MED15: variants seen among roughly 807,000 people sequenced by gnomAD.
MED15 encodes the protein mediator of RNA polymerase II transcription subunit 15.
MED15 carries 41 observed loss-of-function variants against 118.7 expected under a neutral mutation model. The observed-to-expected ratio is 0.35, with a 90% confidence interval of 0.27 to 0.45. MED15 has a LOEUF of 0.45. Ranked by LOEUF, MED15 falls within the 20% of genes least tolerant of loss-of-function variation. MED15 has a pLI of 1.00. For missense variants in MED15, 740 were observed against 1,025.5 expected (o/e 0.72, Z 3.80); for synonymous variants, 436 against 413.9 (o/e 1.05, Z -0.65).
At chr22:20,586,039 C>G (rs1322065768) in intron 17 of MED15, among the ~76,000 whole-genome samples, 1 of 152,228 alleles carries the variant, frequency 6.6e-6, no homozygotes, top group Non-Finnish European at 1.5e-5. Flanking sequence ...CCCACTGTGT[C>G]CCTTCGCCCC....
At position 20,587,023 on chromosome 22, in the gene MED15, G is replaced by A. The variant is rs1002947702; in HGVS notation, c.*319G>A. ...CACGGTCCAGGTCCATCTCAGCAGC[G>A]TGAGGGTGCACTCAGGGTGTTGTTA... On this transcript the variant is annotated 3_prime_UTR_variant, in exon 18 of 18. Transcript: ENST00000263205. The A allele has an allele frequency of 4.5e-5, 19 of 424,242 alleles. No individual in the cohort carries two copies. Among genetic ancestry groups the A allele is most frequent in the African/African-American group, 9.8e-5 (5 of 50,966 alleles). 26.3% of individuals were successfully genotyped at this position (424,242 alleles called of 1,614,324 possible).
intron 1 of MED15, among the ~76,000 whole-genome samples, chr22:20,526,233 A>G (rs1186957451): frequency 3.9e-5 from 6 of 152,192 alleles, no homozygotes; most frequent in Non-Finnish European, 8.8e-5. Flanking sequence ...AATATATCAC[A>G]TAAACTGTAA....
At chr22:20,583,519 C>A in intron 13 of MED15, 126 bp downstream of exon 13, 2 of 1,118,574 alleles carry the variant, frequency 1.8e-6, no homozygotes, top group Non-Finnish European at 2.6e-6. Flanking sequence ...TGGCCAGAGG[C>A]CTCCAAGGCT....
chr22:20,574,339 A>T (rs955726274), intron 8 of MED15: 6 of 152,346 alleles, frequency 3.9e-5, no homozygotes, highest in Non-Finnish European at 8.8e-5. Context: ...CGGGCCCACA[A>T]CAGTGCTCAG....
At position 20,585,811 on chromosome 22, in the gene MED15, C is replaced by T. The variant is rs778528739; in HGVS notation, c.2215C>T (p.Arg739Trp). ...YPAQSPLWIDRQWQYDANPFL... is the reference protein window; with the variant it reads ...YPAQSPLWIDWQWQYDANPFL... ...TGCCCAAAGCCCGCTGTGGATAGAC[C>T]GGCAGTGGCAGTACGGTAGGTAGAC... The change falls in exon 17 of 18, where the codon CGG becomes TGG. Residue 739 changes from arginine to tryptophan, a missense_variant. Physicochemically the swap from Arg to Trp is moderately radical, Grantham distance 101. Around this residue, in one of 7 missense-constraint regions of MED15, gnomAD observed 179 missense variants for 259.0 expected, o/e 0.69. Coordinates refer to ENST00000263205, the MANE Select transcript of MED15 (RefSeq NM_001003891.3). The T allele has an allele frequency of 3.1e-6, 5 of 1,612,966 alleles. No homozygotes were observed. Among genetic ancestry groups the T allele is most frequent in the Admixed American group, 1.7e-5 (1 of 60,010 alleles).
chr22:20,563,397 A>G (rs77047145), intron 5 of MED15, among the ~76,000 whole-genome samples: 4,279 of 152,286 alleles, frequency 0.028, 213 homozygotes, highest in African/African-American at 0.097. Context: ...GCTGAATGTA[A>G]AAAGCCGATC....
In MED15 at chr22:20,525,927, C is replaced by CT. The variant is rs113769626; in HGVS notation, c.69-11179dup. Among the ~76,000 whole-genome samples the CT allele has an allele frequency of 6.4e-4, 93 of 144,816 alleles. 1 individual carries two copies. The East Asian group carries it at 6.6e-3, about 10-fold the overall frequency. On this transcript the variant is annotated intron_variant, in intron 1 of 17. Transcript: ENST00000263205. The stretch of plus-strand genomic sequence containing the variant: ...GTCATTTAATTTTAATTTTAATTTT[C>CT]TTTTTTTTTTTGAGACAGGGTCTTA...
Position 20,554,950 on chromosome 22 carries a change from C to A in MED15, c.253C>A (p.Leu85Ile), listed in dbSNP as rs892687191. The stretch of plus-strand genomic sequence containing the variant: ...TGTTCCCACAGATCCTATGAATGCA[C>A]TCCAGAGCCTGACTGGCGGACCTGC... ...QASVSDPMNA[L>I]QSLTGGPAAG... Residue 85 changes from leucine to isoleucine, a missense_variant, in exon 5 of 18, where the codon CTC becomes ATC. By Grantham distance (5) the Leu-to-Ile change is conservative. Coordinates refer to ENST00000263205, the MANE Select transcript of MED15 (RefSeq NM_001003891.3). The A allele has an allele frequency of 1.2e-6, 2 of 1,606,358 alleles. No individual in the cohort carries two copies. Among genetic ancestry groups the A allele is most frequent in the African/African-American group, 2.7e-5 (2 of 74,870 alleles).
intron 1 of MED15, among the ~76,000 whole-genome samples, chr22:20,531,155 A>G (rs1328111713): frequency 1.3e-5 from 2 of 150,906 alleles, no homozygotes; most frequent in East Asian, 2.0e-4. Context: ...GCAGGCTTTA[A>G]GTTTGATGCC....
At chr22:20,564,396 G>A in intron 5 of MED15, 54 bp from the exon 6 acceptor site, 1 of 1,603,702 alleles carries the variant, frequency 6.2e-7, no homozygotes, top group Non-Finnish European at 8.5e-7. Flanking sequence ...CAGCCCTGCA[G>A]CGTTTCTGGG....
At chr22:20,524,704 C>T in intron 1 of MED15, among the ~76,000 whole-genome samples, 1 of 152,196 alleles carries the variant, frequency 6.6e-6, no homozygotes, top group East Asian at 1.9e-4. Context: ...TGACTGCAAC[C>T]TCCGCCTCCC....
chr22:20,551,894 G>T, intron 3 of MED15: 1 of 249,206 alleles, frequency 4.0e-6, no homozygotes, highest in South Asian at 4.7e-5. Context: ...TTTCCCTCCA[G>T]ACTAGAAGCT....
chr22:20,555,084 G>A lies in MED15; in HGVS notation c.387G>A (p.Pro129=), dbSNP rs141019125. The A allele has an allele frequency of 4.2e-4, 681 of 1,611,984 alleles. 6 individuals are homozygous for A. The African/African-American group carries it at 7.8e-3, about 18-fold the overall frequency. The part of the protein sequence containing the change: ...MGQPMSLSGQ[P]PPGTSGMAPH... ...AGCCAATGTCTCTCTCAGGGCAGCC[G>A]CCTCCTGGGACCTCGGGGATGGCCC... Residue 129 remains proline, a synonymous_variant, in exon 5 of 18, where the codon CCG becomes CCA. Transcript: ENST00000263205.
In MED15 at chr22:20,586,592, T is replaced by G; in HGVS notation, c.2255T>G (p.Val752Gly). The stretch of plus-strand genomic sequence containing the variant: ...GACGCCAACCCCTTCCTCCAGTCGG[T>G]GCACCGCTGCATGACCTCCAGGCTG... ...QYDANPFLQS[V>G]HRCMTSRLLQ... Residue 752 changes from valine (V) to glycine (G), a missense_variant, in exon 18 of 18, where the codon GTG (valine) becomes GGG (glycine). This residue lies in a region of MED15 where 179 missense variants were observed against 259.0 expected (regional missense o/e 0.69). Transcript: ENST00000263205. The G allele has an allele frequency of 6.2e-7, 1 of 1,612,948 alleles. No homozygotes were observed. The highest frequency in any genetic ancestry group is 8.5e-7 in the Non-Finnish European group (1 of 1,179,934).
rs2057152017 is a variant in MED15, at chr22:20,586,905, G to T, written c.*201G>T. Reference sequence around the variant, plus strand: ...AGGCGCAGTGGAGCGGGTTGCTTGGGGGGCGTTGGCCGACTTCTTAGAGAA... The same window carrying T: ...AGGCGCAGTGGAGCGGGTTGCTTGGTGGGCGTTGGCCGACTTCTTAGAGAA... On this transcript the variant is annotated 3_prime_UTR_variant, in exon 18 of 18. Coordinates refer to ENST00000263205, the MANE Select transcript of MED15 (RefSeq NM_001003891.3). The T allele has an allele frequency of 1.2e-6, 1 of 822,476 alleles. No individual in the cohort carries two copies. Among genetic ancestry groups the T allele is most frequent in the South Asian group, 2.1e-5 (1 of 48,616 alleles). The allele number at this position is 822,476 out of a possible 1,614,324, so 50.9% of individuals were successfully genotyped here. A position where few individuals can be genotyped will look rare whatever the true frequency, so the allele number is the denominator to read the frequency against.
chr22:20,573,772 G>A (rs1237125289), intron 8 of MED15: 1 of 152,152 alleles, frequency 6.6e-6, no homozygotes, highest in Non-Finnish European at 1.5e-5. Context: ...CATACCATCT[G>A]ACTTACTTCC....
chr22:20,545,951 G>A (rs372755780), intron 2 of MED15, among the ~76,000 whole-genome samples: 25 of 152,256 alleles, frequency 1.6e-4, no homozygotes, highest in African/African-American at 6.0e-4. Flanking sequence ...CCCTCCTGAA[G>A]TGTCGAGGGC....
intron 1 of MED15, among the ~76,000 whole-genome samples, chr22:20,530,745 G>A (rs566093570): frequency 2.0e-5 from 3 of 150,104 alleles, no homozygotes; most frequent in Non-Finnish European, 4.5e-5. Context: ...CAACATGCCT[G>A]TGTGAGTGTC....
At chr22:20,516,426 C>G (rs187454188) in intron 1 of MED15, among the ~76,000 whole-genome samples, 1 of 152,064 alleles carries the variant, frequency 6.6e-6, no homozygotes, top group African/African-American at 2.4e-5. Flanking sequence ...TTTTTGGACC[C>G]TAACAGCAGA....
Sources: allele counts gnomAD v4.1 joint callset (sites outside exome capture counted in the v4.1 genomes callset), GRCh38; gene constraint gnomAD v4.1.1; regional missense constraint gnomAD v4.1.1; transcripts MANE v1.5; gene names NCBI Gene and HGNC (gene_info 2026-07-23, HGNC 2026-07-21).